Variants in ATPSCKMT observed in about 807,000 individuals in gnomAD.
ATPSCKMT encodes ATP synthase c subunit lysine N-methyltransferase, also known as ATP synthase subunit C lysine N-methyltransferase.
Under a neutral mutation model 24.3 loss-of-function variants are expected in ATPSCKMT, and 24 were observed. That is an observed-to-expected ratio of 0.99 (90% confidence interval 0.71 to 1.39). ATPSCKMT has a LOEUF of 1.39. Among genes scored for constraint, ATPSCKMT ranks in the 40% most tolerant of loss-of-function variants. The pLI, the probability that ATPSCKMT is intolerant of heterozygous loss-of-function variation, is 0.00. For missense variants in ATPSCKMT, 311 were observed against 298.4 expected (o/e 1.04, Z -0.31); for synonymous variants, 95 against 110.5 (o/e 0.86, Z 0.88).
chr5:10,239,429 A>G, intron 1 of ATPSCKMT, 73 bp from the exon 2 acceptor site: 3 of 1,331,310 alleles, frequency 2.3e-6, no homozygotes, highest in Admixed American at 2.3e-5. Context: ...TTTTTCTACA[A>G]TTCTCATTGG....
chr5:10,230,792 T>C (rs1744096065), intron 4 of ATPSCKMT, among the ~76,000 whole-genome samples: 1 of 152,016 alleles, frequency 6.6e-6, no homozygotes, highest in African/African-American at 2.4e-5. Context: ...CTCCTGGCAC[T>C]TCCTCCTCCC....
intron 4 of ATPSCKMT, among the ~76,000 whole-genome samples, chr5:10,232,921 T>C (rs1265515145): frequency 6.6e-6 from 1 of 152,262 alleles, no homozygotes; most frequent in Non-Finnish European, 1.5e-5. Flanking sequence ...CGTAAGCTCA[T>C]GTTAAACATG....
intron 4 of ATPSCKMT, among the ~76,000 whole-genome samples, chr5:10,229,070 A>T (rs1361224420): frequency 6.6e-6 from 1 of 152,238 alleles, no homozygotes; most frequent in Non-Finnish European, 1.5e-5. Context: ...ATTTTCTAAG[A>T]AAAATATTTT....
At chr5:10,249,721 G>A in intron 1 of ATPSCKMT, 137 bp downstream of exon 1, 1 of 1,352,292 alleles carries the variant, frequency 7.4e-7, no homozygotes, top group African/African-American at 1.5e-5. Flanking sequence ...GTCACCGAAG[G>A]CCAGGCTGGA....
intron 4 of ATPSCKMT, among the ~76,000 whole-genome samples, chr5:10,230,428 TA>T (rs1439841885): frequency 6.6e-6 from 1 of 152,216 alleles, no homozygotes; most frequent in Non-Finnish European, 1.5e-5. Context: ...TTCTCTTTTA[TA>T]GTTTCTTTTA....
chr5:10,235,126 C>T, intron 4 of ATPSCKMT, 85 bp downstream of exon 4: 1 of 1,272,030 alleles, frequency 7.9e-7, no homozygotes. Context: ...CCATCACCCT[C>T]ACACGGGTGA....
intron 4 of ATPSCKMT, among the ~76,000 whole-genome samples, chr5:10,228,353 A>G (rs1390573272): frequency 6.6e-6 from 1 of 152,224 alleles, no homozygotes; most frequent in Non-Finnish European, 1.5e-5. Flanking sequence ...ATATTTCATA[A>G]TTTTTAAAAA....
chr5:10,231,683 G>A (rs1744145812), intron 4 of ATPSCKMT, among the ~76,000 whole-genome samples: 2 of 151,602 alleles, frequency 1.3e-5, no homozygotes, highest in South Asian at 4.2e-4. Flanking sequence ...GCTGTATGAT[G>A]CATCTTCTAC....
At chr5:10,227,963 C>T (rs756085958) in intron 4 of ATPSCKMT, among the ~76,000 whole-genome samples, 1 of 152,156 alleles carries the variant, frequency 6.6e-6, no homozygotes, top group Non-Finnish European at 1.5e-5. Context: ...TTAAATAACG[C>T]ACTTCAACAC....
At chr5:10,230,224 A>G (rs569007643) in intron 4 of ATPSCKMT, among the ~76,000 whole-genome samples, 1 of 152,152 alleles carries the variant, frequency 6.6e-6, no homozygotes, top group South Asian at 2.1e-4. Flanking sequence ...AATAAATTCT[A>G]TTAAGGATGG....
At chr5:10,238,936 C>T (rs1452941412) in intron 2 of ATPSCKMT, 131 bp downstream of exon 2, 2 of 1,177,436 alleles carry the variant, frequency 1.7e-6, no homozygotes, top group Non-Finnish European at 2.4e-6. Flanking sequence ...TTTGGTCAAA[C>T]AAACATAAAA....
At chr5:10,244,970 A>G (rs138177767) in intron 1 of ATPSCKMT, among the ~76,000 whole-genome samples, 1 of 152,216 alleles carries the variant, frequency 6.6e-6, no homozygotes, top group African/African-American at 2.4e-5. Context: ...CTCTGTAAAA[A>G]ATTATCTTGT....
At position 10,239,149 on chromosome 5, in the gene ATPSCKMT, G is replaced by A. The variant is rs2438652; in HGVS notation, c.224C>T (p.Thr75Met). The change falls in exon 2 of 5, where the codon ACG becomes ATG. Residue 75 changes from threonine to methionine, a missense_variant. Coordinates refer to ENST00000511437, the MANE Select transcript of ATPSCKMT (RefSeq NM_199133.4). Reference protein sequence around the residue: ...KVCLPFVPATTKQIENVVKML... With the variant: ...KVCLPFVPATMKQIENVVKML... ...TTTCACAACATTTTCAATCTGCTTCGTAGTTGCAGGTACAAACGGCAAACA... is the reference window on the plus strand; with the variant it reads ...TTTCACAACATTTTCAATCTGCTTCATAGTTGCAGGTACAAACGGCAAACA... 289,552 of 1,613,942 alleles carry A rather than the reference G, an allele frequency of 0.18. 39,939 individuals carry two copies. The highest frequency in any genetic ancestry group is 0.81 in the East Asian group (36,486 of 44,862).
At chr5:10,243,919 G>C (rs567399038) in intron 1 of ATPSCKMT, among the ~76,000 whole-genome samples, 23 of 152,198 alleles carry the variant, frequency 1.5e-4, no homozygotes, top group Non-Finnish European at 2.9e-4. Flanking sequence ...TTTGATGCCA[G>C]AGGCTTAATT....
intron 1 of ATPSCKMT, among the ~76,000 whole-genome samples, chr5:10,240,537 T>C (rs1175305540): frequency 1.3e-5 from 2 of 152,190 alleles, no homozygotes; most frequent in Non-Finnish European, 2.9e-5. Context: ...CCTGAATCCC[T>C]GGTCCTTGCT....
chr5:10,234,226 G>A (rs1047147183), intron 4 of ATPSCKMT, among the ~76,000 whole-genome samples: 1 of 152,088 alleles, frequency 6.6e-6, no homozygotes, highest in African/African-American at 2.4e-5. Context: ...TACTCAGGAG[G>A]CTGATGCAGG....
chr5:10,245,222 T>A (rs552987878), intron 1 of ATPSCKMT, among the ~76,000 whole-genome samples: 2 of 151,148 alleles, frequency 1.3e-5, no homozygotes, highest in Non-Finnish European at 2.9e-5. Context: ...AGATTGAGAC[T>A]ATCCTGGCTA....
rs544413139 is a variant in ATPSCKMT, at chr5:10,236,484, C to T, written c.438G>A (p.Leu146=). The T allele has an allele frequency of 2.0e-5, 33 of 1,614,096 alleles. No individual in the cohort carries two copies. Among genetic ancestry groups the T allele is most frequent in the Admixed American group, 6.7e-5 (4 of 59,990 alleles). ...CATTCTCTGCCTTACATACCTTCCA[C>T]AAATCTGAAATATAAAATTTGGCAG... ...HGSAKFYISD[L]WKVTFSQYSN... is the part of the protein sequence containing the mutation. Residue 146 remains leucine (L), a synonymous_variant, in exon 3 of 5, where the codon TTG becomes TTA. Transcript: ENST00000511437.
At chr5:10,238,285 A>G (rs1333713490) in intron 2 of ATPSCKMT, among the ~76,000 whole-genome samples, 7 of 137,358 alleles carry the variant, frequency 5.1e-5, no homozygotes, top group African/African-American at 2.0e-4. Context: ...TTTTATAAGT[A>G]AAAAAAAAAA....
Sources: allele counts gnomAD v4.1 joint callset (sites outside exome capture counted in the v4.1 genomes callset), GRCh38; gene constraint gnomAD v4.1.1; transcripts MANE v1.5; gene names NCBI Gene and HGNC (gene_info 2026-07-23, HGNC 2026-07-21).